The following NRXN1 variants were observed in gnomAD, a reference collection of about 807,000 sequenced individuals.
NRXN1 encodes the protein neurexin-1.
NRXN1 carries 39 observed loss-of-function variants against 150.9 expected under a neutral mutation model. The ratio of observed to expected loss-of-function variants is 0.26; its 90% CI spans 0.20 to 0.34. The LOEUF is 0.34. Ranked by LOEUF, NRXN1 falls within the 10% of genes least tolerant of loss-of-function variation. The probability of loss-of-function intolerance (pLI) is 1.00; values close to 1 mark genes in which losing one functional copy is unlikely to be tolerated. For missense variants in NRXN1, 1,815 were observed against 1,949.9 expected, an observed-to-expected ratio of 0.93 and a Z score of 1.30; for synonymous variants, 924 against 757.0, an observed-to-expected ratio of 1.22 and a Z score of -3.62.
At chr2:50,083,497 G>A (rs1384973566) in intron 19 of NRXN1, among the ~76,000 whole-genome samples, 1 of 152,168 alleles carries the variant, frequency 6.6e-6, no homozygotes, top group African/African-American at 2.4e-5. Flanking sequence ...AGCGCTGAGT[G>A]TTATAGTTCT....
At chr2:51,003,342 A>C (rs1274865054) in intron 2 of NRXN1, among the ~76,000 whole-genome samples, 3 of 152,024 alleles carry the variant, frequency 2.0e-5, no homozygotes, top group African/African-American at 4.8e-5. Context: ...AGGAATATAC[A>C]ACATTGAGAG....
chr2:50,411,094 G>A (rs1040550640), intron 17 of NRXN1, among the ~76,000 whole-genome samples: 1 of 144,650 alleles, frequency 6.9e-6, no homozygotes, highest in Non-Finnish European at 1.5e-5. Context: ...CTCTGATGCC[G>A]AGCGGAGGCT....
chr2:51,030,245 C>T (rs1209983967), intron 1 of NRXN1, among the ~76,000 whole-genome samples: 1 of 152,064 alleles, frequency 6.6e-6, no homozygotes, highest in Non-Finnish European at 1.5e-5. Context: ...CTCTTGCAAA[C>T]ACACACACTG....
intron 18 of NRXN1, among the ~76,000 whole-genome samples, chr2:50,117,139 G>C (rs1193720460): frequency 6.6e-6 from 1 of 152,074 alleles, no homozygotes; most frequent in Non-Finnish European, 1.5e-5. Context: ...AATCTGTTTA[G>C]ACAAGAAAAT....
At chr2:50,128,136 C>A (rs1704884927) in intron 18 of NRXN1, among the ~76,000 whole-genome samples, 1 of 152,112 alleles carries the variant, frequency 6.6e-6, no homozygotes, top group Non-Finnish European at 1.5e-5. Context: ...TTGAGCTCTA[C>A]CATGATAGCT....
intron 18 of NRXN1, among the ~76,000 whole-genome samples, chr2:50,210,989 C>T (rs2062973183): frequency 1.3e-5 from 2 of 151,548 alleles, no homozygotes; most frequent in Non-Finnish European, 3.0e-5. Context: ...AACAAAATGA[C>T]ACAGTGATAT....
intron 19 of NRXN1, among the ~76,000 whole-genome samples, chr2:50,059,515 T>C (rs1316486835): frequency 1.3e-5 from 2 of 152,126 alleles, no homozygotes; most frequent in Non-Finnish European, 2.9e-5. Context: ...TGAGGAGAAA[T>C]TCAAGCCAGC....
At chr2:49,959,598 G>T (rs72885899) in intron 21 of NRXN1, among the ~76,000 whole-genome samples, 23,854 of 152,166 alleles carry the variant, frequency 0.16, 2,097 homozygotes, top group South Asian at 0.29. Flanking sequence ...AATCTGGACT[G>T]TACTATTTAG....
intron 5 of NRXN1, among the ~76,000 whole-genome samples, chr2:50,714,017 C>T (rs1695541565): frequency 6.6e-6 from 1 of 152,050 alleles, no homozygotes; most frequent in Admixed American, 6.6e-5. Flanking sequence ...GCTATATGAC[C>T]AATATCTAAC....
At chr2:50,869,980 A>G (rs186275911) in intron 5 of NRXN1, among the ~76,000 whole-genome samples, 2 of 152,030 alleles carry the variant, frequency 1.3e-5, no homozygotes, top group East Asian at 1.9e-4. Context: ...TAAGACACTT[A>G]AATGCTTTTT....
chr2:50,758,397 CA>C (rs1242474570), intron 5 of NRXN1, among the ~76,000 whole-genome samples: 2 of 151,836 alleles, frequency 1.3e-5, no homozygotes, highest in Admixed American at 1.3e-4. Flanking sequence ...TCACTTAATG[CA>C]ATGAAATTTT....
intron 5 of NRXN1, among the ~76,000 whole-genome samples, chr2:50,873,715 C>T (rs1678144434): frequency 6.6e-6 from 1 of 151,802 alleles, no homozygotes; most frequent in South Asian, 2.1e-4. Context: ...ACCCAGACTG[C>T]ACCTGTTAGA....
At chr2:50,895,438 C>T (rs1681775208) in intron 5 of NRXN1, among the ~76,000 whole-genome samples, 1 of 152,120 alleles carries the variant, frequency 6.6e-6, no homozygotes, top group Admixed American at 6.5e-5. Flanking sequence ...CCTGTTTTCT[C>T]TTCCGTAACA....
chr2:50,572,865 C>T (rs928660525), intron 8 of NRXN1, among the ~76,000 whole-genome samples: 2 of 152,108 alleles, frequency 1.3e-5, no homozygotes, highest in Non-Finnish European at 2.9e-5. Flanking sequence ...GGTATTGAGA[C>T]ATTTTGTTTC....
intron 18 of NRXN1, among the ~76,000 whole-genome samples, chr2:50,197,067 TA>T (rs1413937514): frequency 1.3e-5 from 2 of 152,128 alleles, no homozygotes; most frequent in African/African-American, 2.4e-5. Flanking sequence ...AATAAAAGTT[TA>T]AAAATATATC....
At chr2:50,090,266 T>C (rs149597901) in intron 19 of NRXN1, among the ~76,000 whole-genome samples, 12 of 152,310 alleles carry the variant, frequency 7.9e-5, no homozygotes, top group Non-Finnish European at 1.5e-4. Flanking sequence ...ATATTTGATA[T>C]CAATTGAATA....
At chr2:50,983,206 C>T (rs1410988883) in intron 2 of NRXN1, among the ~76,000 whole-genome samples, 3 of 152,042 alleles carry the variant, frequency 2.0e-5, no homozygotes, top group Admixed American at 2.0e-4. Context: ...TAATTAAATG[C>T]TCTTAATTGT....
rs570244240 is a variant in NRXN1, at chr2:50,565,249, G to A, written c.1321-12224C>T. 1.1e-4 allele frequency among the ~76,000 whole-genome samples: 17 copies of A among 151,856 alleles called. No individual in the cohort carries two copies. In the East Asian group the frequency reaches 2.7e-3, roughly 24 times the overall value. On this transcript the variant is annotated intron_variant, in intron 8 of 22. Coordinates refer to ENST00000401669, the MANE Select transcript of NRXN1 (RefSeq NM_001330078.2). ...GGATGACAGTATGCATACATTTTTGGATTGCTGAGAAAATTCAACTAACTC... is the reference window on the plus strand; with the variant it reads ...GGATGACAGTATGCATACATTTTTGAATTGCTGAGAAAATTCAACTAACTC...
At chr2:50,741,749 T>C (rs766531726) in intron 5 of NRXN1, among the ~76,000 whole-genome samples, 1 of 152,152 alleles carries the variant, frequency 6.6e-6, no homozygotes, top group Non-Finnish European at 1.5e-5. Context: ...CCTTAATGAA[T>C]AAAATGACAA....
Sources: gnomAD v4.1 joint callset for allele counts (sites outside exome capture counted in the v4.1 genomes callset) on GRCh38, gnomAD v4.1.1 for gene constraint, MANE v1.5 for transcripts, NCBI Gene and HGNC (gene_info 2026-07-23, HGNC 2026-07-21) for gene names.